MMD: variants seen among roughly 807,000 people sequenced by gnomAD.
MMD encodes the protein monocyte to macrophage differentiation associated.
A neutral mutation model predicts 33.6 loss-of-function variants in MMD; 22 were observed. The ratio of observed to expected loss-of-function variants is 0.66; its 90% CI spans 0.47 to 0.94. The LOEUF (loss-of-function observed/expected upper bound fraction) is 0.94, where lower values mean the gene tolerates loss of function less well. Among genes scored for constraint, MMD ranks in the 40% least tolerant of loss-of-function variants. The pLI is 0.00. For synonymous variants in MMD, 97 were observed against 103.2 expected, an observed-to-expected ratio of 0.94 and a Z score of 0.36; for missense variants, 242 against 309.8, an observed-to-expected ratio of 0.78 and a Z score of 1.64.
At chr17:55,414,841 C>A (rs535342477) in intron 1 of MMD, among the ~76,000 whole-genome samples, 4 of 152,110 alleles carry the variant, frequency 2.6e-5, no homozygotes, top group African/African-American at 9.7e-5. Context: ...AACTTAAAAC[C>A]GGAGGTATGT....
At chr17:55,410,564 C>CT (rs1424744171) in intron 3 of MMD, among the ~76,000 whole-genome samples, 2 of 152,146 alleles carry the variant, frequency 1.3e-5, no homozygotes, top group African/African-American at 4.8e-5. Flanking sequence ...AGGCCAAGAG[C>CT]TATAGTATTG....
At chr17:55,397,927 C>T (rs938985279) in intron 6 of MMD, among the ~76,000 whole-genome samples, 8 of 151,842 alleles carry the variant, frequency 5.3e-5, no homozygotes, top group African/African-American at 1.9e-4. Context: ...TCTCTCCTTG[C>T]TCTTTTTTCT....
At chr17:55,408,358 AAACT>A (rs1393133630) in intron 3 of MMD, among the ~76,000 whole-genome samples, 1 of 152,216 alleles carries the variant, frequency 6.6e-6, no homozygotes, top group African/African-American at 2.4e-5. Flanking sequence ...GGAAATTCAG[AAACT>A]AACTTAGGAA....
chr17:55,421,615 A>AT, intron 1 of MMD, 55 bp downstream of exon 1: 1 of 1,571,604 alleles, frequency 6.4e-7, no homozygotes, highest in South Asian at 1.1e-5. Context: ...TAACGGCGGG[A>AT]TTTGGGAACC....
chr17:55,421,607 A>C, intron 1 of MMD, 63 bp downstream of exon 1: 1 of 1,582,532 alleles, frequency 6.3e-7, no homozygotes, highest in Non-Finnish European at 8.6e-7. Flanking sequence ...CGTGCGCTTA[A>C]CGGCGGGATT....
At chr17:55,403,527 G>A (rs974460923) in intron 5 of MMD, among the ~76,000 whole-genome samples, 12 of 152,056 alleles carry the variant, frequency 7.9e-5, no homozygotes, top group Non-Finnish European at 1.3e-4. Flanking sequence ...ACTCCAAAGG[G>A]GCTGGTTACC....
rs1907011281 is a variant in MMD, at chr17:55,394,035, T to A, written c.*299A>T. The A allele has an allele frequency of 5.0e-6, 1 of 200,760 alleles. No individual in the cohort carries two copies. Among genetic ancestry groups the A allele is most frequent in the Non-Finnish European group, 9.9e-6 (1 of 100,732 alleles). The allele number at this position is 200,760 out of a possible 1,614,324, so 12.4% of individuals were successfully genotyped here. On this transcript the variant is annotated 3_prime_UTR_variant, in exon 7 of 7. Transcript: ENST00000262065. Reference sequence around the variant, plus strand: ...GACATAGTAATTTAGAAAAATCATGTAGTAAAATCTGTAAAATTAAAATAT... The same window carrying A: ...GACATAGTAATTTAGAAAAATCATGAAGTAAAATCTGTAAAATTAAAATAT...
At chr17:55,405,820 T>C (rs1371222825) in intron 4 of MMD, among the ~76,000 whole-genome samples, 1 of 152,252 alleles carries the variant, frequency 6.6e-6, no homozygotes, top group Non-Finnish European at 1.5e-5. Context: ...TCTAGAGGCA[T>C]ACTGTTTCTA....
chr17:55,411,220 A>C (rs1276345145), intron 3 of MMD, 37 bp downstream of exon 3: 8 of 1,590,074 alleles, frequency 5.0e-6, no homozygotes, highest in Non-Finnish European at 6.9e-6. Flanking sequence ...TGAGTCAACT[A>C]TTTGGATCTG....
At chr17:55,411,077 T>C (rs1420592563) in intron 3 of MMD, among the ~76,000 whole-genome samples, 180 bp downstream of exon 3, 1 of 151,916 alleles carries the variant, frequency 6.6e-6, no homozygotes, top group Non-Finnish European at 1.5e-5. Flanking sequence ...TGGGGAGGAG[T>C]CCTAAAACTT....
At chr17:55,399,942 T>C (rs953915054) in intron 6 of MMD, among the ~76,000 whole-genome samples, 5 of 152,192 alleles carry the variant, frequency 3.3e-5, no homozygotes, top group Non-Finnish European at 7.4e-5. Context: ...GAAATTCTAC[T>C]CTATTAAGCT....
At chr17:55,406,122 C>T (rs773689918) in intron 4 of MMD, among the ~76,000 whole-genome samples, 1 of 138,872 alleles carries the variant, frequency 7.2e-6, no homozygotes, top group Non-Finnish European at 1.5e-5. Flanking sequence ...AGGCTGGGTG[C>T]GGTGGCTCAC....
intron 1 of MMD, among the ~76,000 whole-genome samples, chr17:55,419,889 T>C (rs2143167266): frequency 6.6e-6 from 1 of 152,322 alleles, no homozygotes; most frequent in Non-Finnish European, 1.5e-5. Flanking sequence ...AAAATACCTG[T>C]ATTTTTAGTT....
In MMD at chr17:55,394,203, G is replaced by A; in HGVS notation, c.*131C>T. On this transcript the variant is annotated 3_prime_UTR_variant, in exon 7 of 7. Coordinates refer to ENST00000262065, the MANE Select transcript of MMD (RefSeq NM_012329.3). ...AGAACACAGCCTTTATACTTTCACAGTAATTATATTCAAAAGATATAAAGT... is the reference window on the plus strand; with the variant it reads ...AGAACACAGCCTTTATACTTTCACAATAATTATATTCAAAAGATATAAAGT... 1 of 677,708 alleles carries A rather than the reference G, an allele frequency of 1.5e-6. No individual in the cohort carries two copies. The highest frequency in any genetic ancestry group is 1.8e-5 in the African/African-American group (1 of 54,122). The allele number at this position is 677,708 out of a possible 1,614,324, so 42.0% of individuals were successfully genotyped here.
At chr17:55,398,957 G>A (rs1219864236) in intron 6 of MMD, among the ~76,000 whole-genome samples, 1 of 152,192 alleles carries the variant, frequency 6.6e-6, no homozygotes, top group African/African-American at 2.4e-5. Context: ...ACAACATTCA[G>A]CTTGATATCT....
intron 6 of MMD, 148 bp downstream of exon 6, chr17:55,401,321 A>C: frequency 1.5e-6 from 1 of 667,882 alleles, no homozygotes. Flanking sequence ...GCCAAGCTAA[A>C]CACTTCATTA....
Position 55,403,774 on chromosome 17 carries a change from G to T in MMD, c.439C>A (p.His147Asn). 6.2e-7 allele frequency: 1 copy of T among 1,607,532 alleles called. No individual in the cohort carries two copies. The highest frequency in any genetic ancestry group is 8.5e-7 in the Non-Finnish European group (1 of 1,176,420). ...TAAATTATTTTCTCTTACTTTTCATGGTAGAGAAATACATAAATGGTTCCT... is the reference window on the plus strand; with the variant it reads ...TAAATTATTTTCTCTTACTTTTCATTGTAGAGAAATACATAAATGGTTCCT... ...AGGTIYVFLY[H>N]EKYKVVELFF... The change falls in exon 5 of 7, where the codon CAT becomes AAT. Residue 147 changes from histidine to asparagine, a missense_variant. Coordinates refer to ENST00000262065, the MANE Select transcript of MMD (RefSeq NM_012329.3).
At chr17:55,401,372 A>G (rs1907321399) in intron 6 of MMD, 97 bp downstream of exon 6, 1 of 1,073,258 alleles carries the variant, frequency 9.3e-7, no homozygotes, top group African/African-American at 1.6e-5. Flanking sequence ...TTTAATGGAC[A>G]TAACTTTATA....
rs897612345 is a variant in MMD, at chr17:55,395,019, T to A, written c.517-485A>T. Among the ~76,000 whole-genome samples, 6 of 152,222 alleles carry A rather than the reference T, an allele frequency of 3.9e-5. 1 individual carries two copies. In the East Asian group the frequency reaches 1.2e-3, roughly 29 times the overall value. ...ATTGCTGCTTTGAGACTTCCCCTGC[T>A]TATGTGAGCTTATAGATTCCTTAAG... On this transcript the variant is annotated intron_variant, in intron 6 of 6. Transcript: ENST00000262065.
Sources: allele counts gnomAD v4.1 joint callset (sites outside exome capture counted in the v4.1 genomes callset), GRCh38; gene constraint gnomAD v4.1.1; transcripts MANE v1.5; gene names NCBI Gene and HGNC (gene_info 2026-07-23, HGNC 2026-07-21).